Variants in DHX36 observed in about 807,000 individuals in gnomAD.
The protein encoded by DHX36 is ATP-dependent DNA/RNA helicase DHX36.
In DHX36, 50 loss-of-function variants were observed where a neutral mutation model predicts 139.0. The ratio of observed to expected loss-of-function variants is 0.36; its 90% CI spans 0.29 to 0.46. DHX36 has a LOEUF of 0.46. DHX36 is among the 20% of genes least tolerant of loss of function. The probability of loss-of-function intolerance (pLI) is 1.00; values close to 1 mark genes in which losing one functional copy is unlikely to be tolerated. For missense variants in DHX36, 1,024 were observed against 1,211.3 expected (o/e 0.85, Z 2.29); for synonymous variants, 425 against 401.9 (o/e 1.06, Z -0.69).
rs535470629 is a variant in DHX36, at chr3:154,305,701, C to G, written c.893+515G>C. 1.7e-3 allele frequency among the ~76,000 whole-genome samples: 252 copies of G among 152,242 alleles called. 1 individual carries two copies. Among genetic ancestry groups the G allele is most frequent in the Admixed American group, 3.8e-3 (58 of 15,296 alleles). On this transcript the variant is annotated intron_variant, in intron 6 of 24. Transcript: ENST00000496811. ...AGGACTGCTTGAGCACAGGAGTCTT[C>G]GGCTGCAGTGAGTTGACTGCACCAC...
Position 154,300,999 on chromosome 3 carries a change from T to A in DHX36, c.1346A>T (p.Glu449Val), listed in dbSNP as rs149315263. Residue 449 changes from glutamate (E) to valine (V), a missense_variant, in exon 10 of 25, where the codon GAA becomes GTA. Transcript: ENST00000496811. ...AAAATAAACTTACCTTCTTCGCAGT[T>A]CCCTTACATAATCTGGCCAACGTTC... ...YKERWPDYVRELRRRYSASTV... is the reference protein window; with the variant it reads ...YKERWPDYVRVLRRRYSASTV... The A allele has an allele frequency of 1.2e-6, 2 of 1,610,674 alleles. No individual in the cohort carries two copies. The highest frequency in any genetic ancestry group is 8.5e-7 in the Non-Finnish European group (1 of 1,179,384).
At chr3:154,323,533 AACCTGACAATC>A (rs1311118045) in intron 1 of DHX36, among the ~76,000 whole-genome samples, 2 of 152,182 alleles carry the variant, frequency 1.3e-5, no homozygotes, top group African/African-American at 4.8e-5. Flanking sequence ...GACACAAATC[AACCTGACAATC>A]ACCTGAAGAG....
At chr3:154,291,134 C>CA (rs71152798) in intron 15 of DHX36, among the ~76,000 whole-genome samples, 26,436 of 60,830 alleles carry the variant, frequency 0.43, 9,502 homozygotes, top group Non-Finnish European at 0.49. Context: ...GACTCCGTCT[C>CA]AAAAAAAAAA....
chr3:154,311,937 C>T, intron 3 of DHX36: 1 of 335,424 alleles, frequency 3.0e-6, no homozygotes, highest in Admixed American at 4.8e-5. Context: ...GATCTGTCCT[C>T]TAACAGTATT....
At chr3:154,306,141 T>TA (rs1712492779) in intron 6 of DHX36, 75 bp downstream of exon 6, 7 of 1,120,370 alleles carry the variant, frequency 6.2e-6, no homozygotes, top group Non-Finnish European at 9.4e-6. Context: ...ATGGGGAAAA[T>TA]ATCCTTTCTT....
chr3:154,299,435 C>G (rs907701172), intron 12 of DHX36, among the ~76,000 whole-genome samples: 16 of 152,252 alleles, frequency 1.1e-4, no homozygotes, highest in African/African-American at 3.9e-4. Flanking sequence ...GCTGTTCATA[C>G]AGGATCAAAA....
At chr3:154,292,812 A>ATT in intron 14 of DHX36, 118 bp from the exon 15 acceptor site, 7 of 1,313,642 alleles carry the variant, frequency 5.3e-6, no homozygotes, top group African/African-American at 1.5e-5. Context: ...ATTTCAGAGC[A>ATT]TTTTTTTTTT....
At chr3:154,292,410 C>G in intron 15 of DHX36, 141 bp downstream of exon 15, 1 of 1,168,110 alleles carries the variant, frequency 8.6e-7, no homozygotes, top group Non-Finnish European at 1.2e-6. Context: ...AACAACTTTC[C>G]TATTTAAAAA....
chr3:154,312,404 C>T (rs2108362104), intron 3 of DHX36, among the ~76,000 whole-genome samples: 1 of 152,112 alleles, frequency 6.6e-6, no homozygotes, highest in East Asian at 1.9e-4. Flanking sequence ...ATTCTGAAAA[C>T]TTTTATGGAA....
At chr3:154,304,689 A>G in intron 8 of DHX36, 117 bp downstream of exon 8, 4 of 783,758 alleles carry the variant, frequency 5.1e-6, no homozygotes, top group Non-Finnish European at 7.5e-6. Context: ...GAATAATATT[A>G]AAATAAAATT....
At chr3:154,315,377 A>G in intron 2 of DHX36, 97 bp from the exon 3 acceptor site, 1 of 791,140 alleles carries the variant, frequency 1.3e-6, no homozygotes. Flanking sequence ...AATATTTCAA[A>G]GTCATCCAAA....
chr3:154,306,291 G>A lies in DHX36; in HGVS notation c.818C>T (p.Ala273Val), dbSNP rs1297009891. 4 of 1,611,348 alleles carry A rather than the reference G, an allele frequency of 2.5e-6. No homozygotes were observed. The highest frequency in any genetic ancestry group is 2.5e-6 in the Non-Finnish European group (3 of 1,178,292). ...QPRRISAISV[A>V]ERVAAERAES... ...TGCCCTTTCTGCAGCTACTCTTTCC[G>A]CAACCTTTAATTCAAATAAAACATA... Residue 273 changes from alanine (A) to valine (V), a missense_variant, in exon 6 of 25, where the codon GCG becomes GTG. Ala to Val is a moderately conservative substitution (Grantham distance 64). Around this residue, in one of 4 missense-constraint regions of DHX36, gnomAD observed 146 missense variants for 215.0 expected, o/e 0.68. Coordinates refer to ENST00000496811, the MANE Select transcript of DHX36 (RefSeq NM_020865.3).
At chr3:154,281,563 G>A (rs1193823278) in intron 20 of DHX36, among the ~76,000 whole-genome samples, 1 of 151,892 alleles carries the variant, frequency 6.6e-6, no homozygotes, top group African/African-American at 2.4e-5. Flanking sequence ...ATTAACTTTA[G>A]TACAATTTAA....
intron 8 of DHX36, among the ~76,000 whole-genome samples, chr3:154,304,389 A>G (rs890475508): frequency 2.0e-5 from 3 of 152,194 alleles, no homozygotes; most frequent in Non-Finnish European, 4.4e-5. Flanking sequence ...ATAAAGTGTT[A>G]TAAAGACTAA....
intron 17 of DHX36, among the ~76,000 whole-genome samples, chr3:154,288,203 C>CA (rs1711626550): frequency 8.5e-6 from 1 of 117,140 alleles, no homozygotes; most frequent in Admixed American, 8.2e-5. Flanking sequence ...GCTAAAGCAA[C>CA]AATACATTTG....
chr3:154,285,065 GAGTAA>G (rs1467660211), intron 17 of DHX36, 78 bp from the exon 18 acceptor site: 4 of 1,448,242 alleles, frequency 2.8e-6, no homozygotes, highest in Non-Finnish European at 3.8e-6. Context: ...GCTTTAAAAA[GAGTAA>G]CAAGCCACTA....
chr3:154,287,528 G>A (rs559705388), intron 17 of DHX36, among the ~76,000 whole-genome samples: 15 of 151,920 alleles, frequency 9.9e-5, no homozygotes, highest in Non-Finnish European at 1.8e-4. Context: ...GGTGGCAGGT[G>A]CCTGTAATCC....
rs1211333429 is a variant in DHX36, at chr3:154,304,909, A to G, written c.1032T>C (p.Asp344=). 4 of 1,612,566 alleles carry G rather than the reference A, an allele frequency of 2.5e-6. No homozygotes were observed. In the South Asian group the frequency reaches 4.4e-5, roughly 18 times the overall value. ...GGTCTTTAACAACAGTCATTAAAAC[A>G]TCTGACTGCAGATTTCTTTCATGGA... ...DEIHERNLQS[D]VLMTVVKDLL... is the part of the protein sequence containing the mutation. Residue 344 remains aspartate, a synonymous_variant, in exon 8 of 25, where the codon GAT becomes GAC. Transcript: ENST00000496811.
At chr3:154,323,133 G>A (rs569962513) in intron 1 of DHX36, among the ~76,000 whole-genome samples, 3 of 152,030 alleles carry the variant, frequency 2.0e-5, no homozygotes, top group African/African-American at 7.3e-5. Flanking sequence ...TCAGGAGTTC[G>A]AGACCAACCT....
Sources: allele counts gnomAD v4.1 joint callset (sites outside exome capture counted in the v4.1 genomes callset), GRCh38; gene constraint gnomAD v4.1.1; regional missense constraint gnomAD v4.1.1; transcripts MANE v1.5; gene names NCBI Gene and HGNC (gene_info 2026-07-23, HGNC 2026-07-21).